Variants in SPMIP8 observed in about 807,000 individuals in gnomAD.
SPMIP8 encodes the protein sperm microtubule inner protein 8, also known as testicular tissue protein Li 196.
chr16:57,978,937 G>T, the SPMIP8 span, among the ~76,000 whole-genome samples: 1 of 152,154 alleles, frequency 6.6e-6, no homozygotes, highest in Non-Finnish European at 1.5e-5. Context: ...AATGGAGAGA[G>T]AACTGGGCAG....
the SPMIP8 span, among the ~76,000 whole-genome samples, chr16:57,980,676 T>C: frequency 1.3e-5 from 2 of 152,202 alleles, no homozygotes; most frequent in African/African-American, 2.4e-5. Flanking sequence ...TATTTATTTT[T>C]GTGTTTTGCT....
chr16:57,977,985 G>A, the SPMIP8 span: 16 of 1,614,010 alleles, frequency 9.9e-6, no homozygotes, highest in African/African-American at 2.7e-5. Flanking sequence ...CAGGGACACC[G>A]TCAAGGCCTG....
chr16:57,977,239 G>A, the SPMIP8 span, among the ~76,000 whole-genome samples: 51,119 of 151,388 alleles, frequency 0.34, 11,326 homozygotes, highest in African/African-American at 0.64. Flanking sequence ...GTGAAACCCC[G>A]TCTCTACTAA....
At chr16:57,979,982 T>A in the SPMIP8 span, among the ~76,000 whole-genome samples, 1 of 152,162 alleles carries the variant, frequency 6.6e-6, no homozygotes, top group Admixed American at 6.5e-5. Flanking sequence ...GAGAATCACC[T>A]GAACCCGGGA....
the SPMIP8 span, among the ~76,000 whole-genome samples, chr16:57,981,955 G>T: frequency 3.3e-5 from 5 of 152,156 alleles, no homozygotes; most frequent in Non-Finnish European, 5.9e-5. Context: ...TAGCCAAGAG[G>T]GGGGTCCGCT....
the SPMIP8 span, chr16:57,987,614 G>T: frequency 1.6e-5 from 9 of 575,376 alleles, no homozygotes; most frequent in Admixed American, 4.2e-5. Flanking sequence ...CCTGGGAGAG[G>T]GTCAGGGCCA....
At chr16:57,984,701 G>T in the SPMIP8 span, 4 of 1,597,996 alleles carry the variant, frequency 2.5e-6, no homozygotes, top group Non-Finnish European at 3.4e-6. Context: ...CGCCCATCGC[G>T]CCAGGCATCA....
At chr16:57,981,501 C>CTTTTTTTTTT in the SPMIP8 span, among the ~76,000 whole-genome samples, 1 of 68,980 alleles carries the variant, frequency 1.4e-5, no homozygotes, top group Non-Finnish European at 2.5e-5. Context: ...CTCTCTTTCT[C>CTTTTTTTTTT]TTTTTTTTTT....
chr16:57,985,774 T>C, the SPMIP8 span: 2 of 1,268,184 alleles, frequency 1.6e-6, no homozygotes, highest in East Asian at 5.4e-5. Context: ...GTGGAGGCGT[T>C]CGCATTGGGT....
At chr16:57,986,317 T>G in the SPMIP8 span, 1 of 210,144 alleles carries the variant, frequency 4.8e-6, no homozygotes, top group Non-Finnish European at 9.4e-6. Context: ...CTAAGTGGTC[T>G]TCCCGGCAGG....
the SPMIP8 span, chr16:57,977,927 G>T: frequency 6.2e-7 from 1 of 1,614,138 alleles, no homozygotes. Context: ...TGGCGGGCGT[G>T]AAGCAGCAGC....
At chr16:57,986,091 T>A in the SPMIP8 span, 1 of 990,662 alleles carries the variant, frequency 1.0e-6, no homozygotes, top group Non-Finnish European at 1.4e-6. Context: ...GCGAGCTGCT[T>A]CGCTCTGGAG....
At chr16:57,985,631 C>G in the SPMIP8 span, 1 of 1,493,544 alleles carries the variant, frequency 6.7e-7, no homozygotes, top group Non-Finnish European at 8.9e-7. Flanking sequence ...ACAGGCAATG[C>G]CCCTTGAAAA....
chr16:57,984,945 G>T, the SPMIP8 span: 1 of 1,287,968 alleles, frequency 7.8e-7, no homozygotes, highest in Non-Finnish European at 1.0e-6. Context: ...TGAAGCTGTG[G>T]CACTTGCGGT....
the SPMIP8 span, chr16:57,985,037 C>A: frequency 2.9e-6 from 3 of 1,045,548 alleles, no homozygotes; most frequent in Non-Finnish European, 2.6e-6. Context: ...GCCTTCGGGC[C>A]GGGGGCTTTG....
the SPMIP8 span, chr16:57,986,579 C>T: frequency 1.4e-5 from 2 of 142,022 alleles, no homozygotes; most frequent in East Asian, 2.0e-4. Context: ...AAAACTCCTT[C>T]GTGCCATTAT....
At chr16:57,978,962 A>G in the SPMIP8 span, among the ~76,000 whole-genome samples, 2 of 152,142 alleles carry the variant, frequency 1.3e-5, no homozygotes, top group African/African-American at 4.8e-5. Context: ...TGACAGGTGC[A>G]GTGGTAGGAG....
At chr16:57,985,848 G>T in the SPMIP8 span, 1 of 1,557,018 alleles carries the variant, frequency 6.4e-7, no homozygotes, top group Non-Finnish European at 8.7e-7. Context: ...GAGGTCGAGT[G>T]AGGCGCCCAG....
At chr16:57,983,626 T>A in the SPMIP8 span, among the ~76,000 whole-genome samples, 15 of 152,110 alleles carry the variant, frequency 9.9e-5, no homozygotes, top group East Asian at 9.7e-4. Flanking sequence ...TAAAAAAAAA[T>A]TTTTTAAGAG....
Sources: gnomAD v4.1 joint callset for allele counts (sites outside exome capture counted in the v4.1 genomes callset) on GRCh38, gnomAD v4.1.1 for gene constraint, MANE v1.5 for transcripts, NCBI Gene and HGNC (gene_info 2026-07-23, HGNC 2026-07-21) for gene names.